PCNT: variants seen among roughly 807,000 people sequenced by gnomAD.
The protein encoded by PCNT is pericentrin.
In PCNT, 319 loss-of-function variants were observed where a neutral mutation model predicts 380.4. The observed-to-expected ratio is 0.84, with a 90% CI of 0.77 to 0.92. The LOEUF (loss-of-function observed/expected upper bound fraction) is 0.92, where lower values mean the gene tolerates loss of function less well. Ranked by LOEUF, PCNT falls within the 40% of genes least tolerant of loss-of-function variation. PCNT has a pLI of 0.00. For missense variants in PCNT, 4,400 were observed against 4,255.3 expected (o/e 1.03, Z -0.95); for synonymous variants, 1,845 against 1,735.2 (o/e 1.06, Z -1.57).
intron 27 of PCNT, among the ~76,000 whole-genome samples, chr21:46,402,723 A>T (rs2086470493): frequency 6.6e-6 from 1 of 152,152 alleles, no homozygotes; most frequent in African/African-American, 2.4e-5. Flanking sequence ...TTCTGATTGC[A>T]GCACTGATAG....
rs1302557376 is a variant in PCNT at position 46,391,427 on chromosome 21, A to G, written c.4216+51A>G. ...GGTGCGAGCTGTGGGGCGCGGATAC[A>G]GCTGCCACGGTTTCCCCAGCTCCCA... On this transcript the variant is annotated intron_variant, in intron 21 of 46. Transcript: ENST00000359568. 4.2e-6 allele frequency: 6 copies of G among 1,437,116 alleles called. 1 individual carries two copies. The highest frequency in any genetic ancestry group is 4.9e-4 in the Middle Eastern group (2 of 4,094). 89.0% of individuals were successfully genotyped at this position (1,437,116 alleles called of 1,614,324 possible).
At chr21:46,360,270 T>C (rs1239439683) in intron 13 of PCNT, among the ~76,000 whole-genome samples, 3 of 140,352 alleles carry the variant, frequency 2.1e-5, no homozygotes, top group East Asian at 4.5e-4. Context: ...TTGCCCAGGC[T>C]GGAGTGCAGT....
intron 31 of PCNT, among the ~76,000 whole-genome samples, chr21:46,421,640 C>T (rs2839250): frequency 0.36 from 54,789 of 152,094 alleles, 10,569 homozygotes; most frequent in Middle Eastern, 0.5. Context: ...CTTGAGCTTG[C>T]CCAGGCCATC....
At chr21:46,387,499 C>T (rs1324735602) in intron 17 of PCNT, among the ~76,000 whole-genome samples, 1 of 151,992 alleles carries the variant, frequency 6.6e-6, no homozygotes, top group Non-Finnish European at 1.5e-5. Flanking sequence ...GCCCACGGTC[C>T]CTGGACACTG....
chr21:46,386,165 G>A (rs1338215623), intron 17 of PCNT, among the ~76,000 whole-genome samples, 182 bp downstream of exon 17: 1 of 152,196 alleles, frequency 6.6e-6, no homozygotes, highest in Non-Finnish European at 1.5e-5. Context: ...GCACCGGGAA[G>A]AAATCGCCTG....
At chr21:46,391,435 C>T (rs952223074) in intron 21 of PCNT, 59 bp downstream of exon 21, 39 of 1,378,782 alleles carry the variant, frequency 2.8e-5, no homozygotes, top group Non-Finnish European at 3.7e-5. Flanking sequence ...ACAGCTGCCA[C>T]GGTTTCCCCA....
At chr21:46,327,122 G>A (rs2083420331) in intron 2 of PCNT, among the ~76,000 whole-genome samples, 2 of 151,364 alleles carry the variant, frequency 1.3e-5, no homozygotes, top group East Asian at 1.9e-4. Flanking sequence ...GTGCAGTGGC[G>A]CGATCTCGGC....
At chr21:46,414,025 T>C (rs1420059150) in intron 29 of PCNT, among the ~76,000 whole-genome samples, 1 of 150,452 alleles carries the variant, frequency 6.6e-6, no homozygotes, top group African/African-American at 2.4e-5. Context: ...AGAGTCTTGC[T>C]CTGTCGCCCA....
chr21:46,431,443 G>T lies in PCNT; in HGVS notation c.8065-86G>T. The T allele has an allele frequency of 1.9e-6, 3 of 1,609,630 alleles. No homozygotes were observed. In the East Asian group the frequency reaches 6.7e-5, roughly 36 times the overall value. On this transcript the variant is annotated intron_variant, in intron 37 of 46. Transcript: ENST00000359568. ...CAAAAGGTAGAATTGCTGGGCTAAA[G>T]TATATAAACAAATGTGGACAGGAAA... is the stretch of plus-strand genomic sequence containing the variant.
intron 14 of PCNT, among the ~76,000 whole-genome samples, chr21:46,365,820 A>T (rs978242636): frequency 2.1e-5 from 3 of 141,080 alleles, no homozygotes; most frequent in Admixed American, 2.1e-4. Flanking sequence ...GGTTCTATTC[A>T]CTGCCGTGGG....
intron 15 of PCNT, among the ~76,000 whole-genome samples, chr21:46,369,740 G>T (rs1438864886): frequency 1.3e-5 from 2 of 152,336 alleles, no homozygotes; most frequent in East Asian, 3.9e-4. Flanking sequence ...TGGGGATGTG[G>T]CACATCTGGA....
Position 46,398,086 on chromosome 21 carries a change from C to T in PCNT, c.4519C>T (p.Arg1507Cys), listed in dbSNP as rs138898378. Residue 1507 changes from arginine to cysteine, a missense_variant, in exon 23 of 47, where the codon CGC becomes TGC. Physicochemically the swap from Arg to Cys is radical, Grantham distance 180. Coordinates refer to ENST00000359568, the MANE Select transcript of PCNT (RefSeq NM_006031.6). The stretch of plus-strand genomic sequence containing the variant: ...GATTCAGAGGCTGGAGGGGCAGCTC[C>T]GCCAGGCGGCCAAGCCGCAGCCCTG... ...QEIQRLEGQLRQAAKPQPWGP... is the reference protein window; with the variant it reads ...QEIQRLEGQLCQAAKPQPWGP... 157 of 1,596,670 alleles carry T rather than the reference C, an allele frequency of 9.8e-5. No homozygotes were observed. The highest frequency in any genetic ancestry group is 1.3e-4 in the Non-Finnish European group (147 of 1,173,104).
chr21:46,438,591 G>T lies in PCNT; in HGVS notation c.9273+254G>T, dbSNP rs569090790. Among the ~76,000 whole-genome samples the T allele has an allele frequency of 1.1e-4, 16 of 152,140 alleles. No individual in the cohort carries two copies. In the East Asian group the frequency reaches 3.1e-3, roughly 29 times the overall value. ...CCCTGACCGCTACTTGATGTTTGGT[G>T]CATGTTCATAAAAGGGTATTTTGAC... is the stretch of plus-strand genomic sequence containing the variant. On this transcript the variant is annotated intron_variant, in intron 41 of 46. Coordinates refer to ENST00000359568, the MANE Select transcript of PCNT (RefSeq NM_006031.6).
intron 3 of PCNT, among the ~76,000 whole-genome samples, 175 bp downstream of exon 3, chr21:46,334,943 C>T (rs991179090): frequency 6.6e-6 from 1 of 152,210 alleles, no homozygotes; most frequent in African/African-American, 2.4e-5. Context: ...CACGTGCTGC[C>T]GCCTGCACGT....
rs776129482 is a variant in PCNT, at chr21:46,431,539, C to T, written c.8075C>T (p.Ala2692Val). 18 of 1,613,914 alleles carry T rather than the reference C, an allele frequency of 1.1e-5. No individual in the cohort carries two copies. Among genetic ancestry groups the T allele is most frequent in the South Asian group, 8.8e-5 (8 of 91,092 alleles). The change falls in exon 38 of 47, where the codon GCG becomes GTG. Residue 2692 changes from alanine to valine, a missense_variant. Coordinates refer to ENST00000359568, the MANE Select transcript of PCNT (RefSeq NM_006031.6). ...QSAKALEELR[A>V]SLETQRAQSS... is the part of the protein sequence containing the mutation. ...GTGTTTGCTGTCTAGGAGCTGCGGG[C>T]GTCTTTGGAGACACAGCGTGCTCAG...
At position 46,416,552 on chromosome 21, in the gene PCNT, C is replaced by CT; in HGVS notation, c.6634_6635insT (p.Arg2212LeufsTer17). 1 of 1,612,918 alleles carries CT rather than the reference C, an allele frequency of 6.2e-7. No homozygotes were observed. Among genetic ancestry groups the CT allele is most frequent in the Non-Finnish European group, 8.5e-7 (1 of 1,179,644 alleles). ...GAGCCACACTGCAGAGGCTGGGCCCCGGAAGAGCCCGGTCGGGATGCTGGA... is the reference window on the plus strand; with the variant it reads ...GAGCCACACTGCAGAGGCTGGGCCCCTGGAAGAGCCCGGTCGGGATGCTGGA... On this transcript the variant is annotated frameshift_variant, in exon 30 of 47. Coordinates refer to ENST00000359568, the MANE Select transcript of PCNT (RefSeq NM_006031.6). LOFTEE classifies it high-confidence loss of function.
Position 46,422,382 on chromosome 21 carries a change from G to A in PCNT, c.7179+258G>A, listed in dbSNP as rs531851530. ...GGTCCTGTGAGCCCGTGGGCAGGTG[G>A]TGTTGCCCCGAGTCGCAGAGCCGGC... On this transcript the variant is annotated intron_variant, in intron 32 of 46. Coordinates refer to ENST00000359568, the MANE Select transcript of PCNT (RefSeq NM_006031.6). Among the ~76,000 whole-genome samples the A allele has an allele frequency of 1.1e-3, 168 of 152,062 alleles. 1 individual carries two copies. Among genetic ancestry groups the A allele is most frequent in the Non-Finnish European group, 3.7e-4 (25 of 68,020 alleles).
At position 46,412,078 on chromosome 21, in the gene PCNT, C is replaced by A. The variant is rs750964952; in HGVS notation, c.5994+11C>A. ...GTCCCTGACCCACAGGTGGGCTCCC[C>A]CCGCGGGCCATGGCAGGGTATTTTT... is the stretch of plus-strand genomic sequence containing the variant. On this transcript the variant is annotated intron_variant, in intron 28 of 46. Coordinates refer to ENST00000359568, the MANE Select transcript of PCNT (RefSeq NM_006031.6). 1.2e-6 allele frequency: 2 copies of A among 1,604,566 alleles called. No homozygotes were observed. The highest frequency in any genetic ancestry group is 1.7e-6 in the Non-Finnish European group (2 of 1,179,652).
chr21:46,390,966 C>A, intron 20 of PCNT, 134 bp downstream of exon 20: 2 of 1,238,864 alleles, frequency 1.6e-6, no homozygotes, highest in Non-Finnish European at 2.3e-6. Flanking sequence ...GGGAGGCACC[C>A]ATGGTTTGGG....
Sources: allele counts gnomAD v4.1 joint callset (sites outside exome capture counted in the v4.1 genomes callset), GRCh38; gene constraint gnomAD v4.1.1; transcripts MANE v1.5; gene names NCBI Gene and HGNC (gene_info 2026-07-23, HGNC 2026-07-21).